RBL1: variants seen among roughly 807,000 people sequenced by gnomAD.
RBL1 encodes RB transcriptional corepressor like 1.
RBL1 carries 82 observed loss-of-function variants against 123.0 expected under a neutral mutation model. That is an observed-to-expected ratio of 0.67 (90% CI 0.56 to 0.80). The LOEUF (loss-of-function observed/expected upper bound fraction) is 0.80. Ranked by LOEUF, RBL1 falls within the 30% of genes least tolerant of loss-of-function variation. RBL1 has a pLI of 0.00. For missense variants in RBL1, 1,171 were observed against 1,299.6 expected (o/e 0.90, Z 1.52); for synonymous variants, 405 against 441.3 (o/e 0.92, Z 1.03).
intron 2 of RBL1, among the ~76,000 whole-genome samples, chr20:37,074,658 C>T (rs572076876): frequency 3.3e-5 from 5 of 152,088 alleles, no homozygotes; most frequent in Admixed American, 6.5e-5. Context: ...CCTGACAGTT[C>T]CTAAAAAGGT....
chr20:37,044,033 G>GTTTTTTTTTT, intron 13 of RBL1, 53 bp downstream of exon 13: 1 of 912,710 alleles, frequency 1.1e-6, no homozygotes, highest in Non-Finnish European at 1.5e-6. Context: ...AATAAAGCTG[G>GTTTTTTTTTT]TTTTTTTTTT....
chr20:37,033,078 C>T (rs1205180581), intron 15 of RBL1, among the ~76,000 whole-genome samples: 2 of 146,608 alleles, frequency 1.4e-5, no homozygotes, highest in East Asian at 2.0e-4. Flanking sequence ...AGTGCAGTGG[C>T]GCCATCTCAG....
intron 16 of RBL1, among the ~76,000 whole-genome samples, chr20:37,025,657 G>T (rs566300385): frequency 6.6e-6 from 1 of 152,184 alleles, no homozygotes; most frequent in Non-Finnish European, 1.5e-5. Flanking sequence ...CTAGAATGCA[G>T]ATATGATATC....
intron 16 of RBL1, among the ~76,000 whole-genome samples, chr20:37,029,244 A>G (rs2064468301): frequency 6.6e-6 from 1 of 152,194 alleles, no homozygotes; most frequent in Non-Finnish European, 1.5e-5. Flanking sequence ...TGGTATACAC[A>G]GGAGATTTCT....
intron 11 of RBL1, among the ~76,000 whole-genome samples, chr20:37,047,720 C>G (rs974753083): frequency 6.6e-6 from 1 of 152,152 alleles, no homozygotes; most frequent in Non-Finnish European, 1.5e-5. Flanking sequence ...TGGCTCACCC[C>G]TGTAATCTCG....
In RBL1 at chr20:36,998,549, C is replaced by G. The variant is rs1644213555; in HGVS notation, c.*210G>C. On this transcript the variant is annotated 3_prime_UTR_variant, in exon 22 of 22. Coordinates refer to ENST00000373664, the MANE Select transcript of RBL1 (RefSeq NM_002895.5). ...GGACTATTAGTATTTTTAAAAGGCA[C>G]TTAAAATATTCCTTTCCAATCCAAC... The G allele has an allele frequency of 5.9e-6, 3 of 509,808 alleles. No individual in the cohort carries two copies. Among genetic ancestry groups the G allele is most frequent in the Admixed American group, 7.5e-5 (2 of 26,528 alleles). The allele number at this position is 509,808 out of a possible 1,614,324, so 31.6% of individuals were successfully genotyped here.
Position 37,065,412 on chromosome 20 carries a change from C to T in RBL1, c.896+12G>A, listed in dbSNP as rs1440818743. 6.4e-7 allele frequency: 1 copy of T among 1,558,084 alleles called. No homozygotes were observed. On this transcript the variant is annotated intron_variant, in intron 7 of 21. Coordinates refer to ENST00000373664, the MANE Select transcript of RBL1 (RefSeq NM_002895.5). ...TGTGATAAGCCAGGCACCATTAGTA[C>T]TAGATATTTACCTATTATCAGTAAA...
chr20:37,012,209 G>A (rs555800381), intron 19 of RBL1, among the ~76,000 whole-genome samples: 5 of 152,318 alleles, frequency 3.3e-5, no homozygotes, highest in African/African-American at 1.2e-4. Flanking sequence ...ATCTCGGCTC[G>A]CTACAACCTC....
intron 16 of RBL1, among the ~76,000 whole-genome samples, chr20:37,026,352 C>T (rs1028034100): frequency 6.6e-6 from 1 of 152,016 alleles, no homozygotes; most frequent in Non-Finnish European, 1.5e-5. Context: ...TGGAGAAAAA[C>T]ATGATTGAGG....
chr20:37,034,722 C>G (rs893873104), intron 15 of RBL1, among the ~76,000 whole-genome samples: 2 of 150,756 alleles, frequency 1.3e-5, no homozygotes, highest in Non-Finnish European at 1.5e-5. Flanking sequence ...TAAAATAAGT[C>G]TAAACAAACA....
rs1262893015 is a variant in RBL1 at position 37,066,750 on chromosome 20, A to G, written c.820T>C (p.Tyr274His). ...TTCCTGTCAAAGAGTTTTGAAATAT[A>G]TGGCTTAAAGTAGTGCTCCTTTATT... ...KGIKEHYFKP[Y>H]ISKLFDRKIL... Residue 274 changes from tyrosine to histidine, a missense_variant, in exon 6 of 22, where the codon TAT becomes CAT. Coordinates refer to ENST00000373664, the MANE Select transcript of RBL1 (RefSeq NM_002895.5). The G allele has an allele frequency of 3.7e-6, 6 of 1,613,496 alleles. No homozygotes were observed. The highest frequency in any genetic ancestry group is 2.2e-5 in the East Asian group (1 of 44,870).
intron 16 of RBL1, among the ~76,000 whole-genome samples, chr20:37,024,617 A>T (rs2064391795): frequency 6.6e-6 from 1 of 152,204 alleles, no homozygotes; most frequent in Non-Finnish European, 1.5e-5. Flanking sequence ...ATAGATTCAG[A>T]CATTTCAGTT....
intron 2 of RBL1, among the ~76,000 whole-genome samples, chr20:37,085,083 A>C (rs1403126901): frequency 6.6e-6 from 1 of 151,246 alleles, no homozygotes; most frequent in Non-Finnish European, 1.5e-5. Context: ...AATTATTAAT[A>C]ATGGTTAATT....
chr20:37,002,290 A>C (rs1298958083), intron 21 of RBL1, among the ~76,000 whole-genome samples: 1 of 149,214 alleles, frequency 6.7e-6, no homozygotes, highest in African/African-American at 2.5e-5. Context: ...TTGGGCTCCC[A>C]AAATGCTAGA....
intron 12 of RBL1, among the ~76,000 whole-genome samples, chr20:37,045,253 C>T (rs983687813): frequency 1.3e-5 from 2 of 151,942 alleles, no homozygotes; most frequent in South Asian, 4.1e-4. Context: ...ACTACAGGCA[C>T]GTGCCCCCAT....
Position 37,043,106 on chromosome 20 carries a change from T to C in RBL1, c.1770+980A>G, listed in dbSNP as rs371672949. Among the ~76,000 whole-genome samples, 57 of 151,608 alleles carry C rather than the reference T, an allele frequency of 3.8e-4. 1 individual carries two copies. The highest frequency in any genetic ancestry group is 1.0e-3 in the African/African-American group (42 of 41,314). On this transcript the variant is annotated intron_variant, in intron 13 of 21. Coordinates refer to ENST00000373664, the MANE Select transcript of RBL1 (RefSeq NM_002895.5). Reference sequence around the variant, plus strand: ...GGAGGACTGCTTGAGCTCAGGAGTTTGAGATCAGCCTGTGCAACATGGCAA... The same window carrying C: ...GGAGGACTGCTTGAGCTCAGGAGTTCGAGATCAGCCTGTGCAACATGGCAA...
At chr20:37,039,121 G>A (rs545531230) in intron 14 of RBL1, among the ~76,000 whole-genome samples, 1 of 152,242 alleles carries the variant, frequency 6.6e-6, no homozygotes, top group Non-Finnish European at 1.5e-5. Context: ...ACACACATCA[G>A]CTCGCTACAT....
At chr20:37,046,071 A>G (rs2064814930) in intron 12 of RBL1, among the ~76,000 whole-genome samples, 1 of 152,234 alleles carries the variant, frequency 6.6e-6, no homozygotes, top group Admixed American at 6.5e-5. Context: ...AAAGATTAAC[A>G]AAAATAGTTC....
intron 11 of RBL1, among the ~76,000 whole-genome samples, chr20:37,053,946 A>G (rs1227683343): frequency 1.3e-5 from 2 of 152,084 alleles, no homozygotes; most frequent in Non-Finnish European, 2.9e-5. Flanking sequence ...ACTAACTATA[A>G]AGGGGTAGCA....
Sources: allele counts gnomAD v4.1 joint callset (sites outside exome capture counted in the v4.1 genomes callset), GRCh38; gene constraint gnomAD v4.1.1; transcripts MANE v1.5; gene names NCBI Gene and HGNC (gene_info 2026-07-23, HGNC 2026-07-21).